Variants in SCUBE1 observed in about 807,000 individuals in gnomAD.
SCUBE1 encodes the protein signal peptide, CUB domain and EGF like domain containing 1.
In SCUBE1, 59 loss-of-function variants were observed where a neutral mutation model predicts 124.4. The observed-to-expected ratio is 0.47, with a 90% CI of 0.38 to 0.59. SCUBE1 has a LOEUF of 0.59. Ranked by LOEUF, SCUBE1 falls within the 20% of genes least tolerant of loss-of-function variation. The pLI is 0.00. For synonymous variants in SCUBE1, 545 were observed against 550.9 expected (o/e 0.99, Z 0.15); for missense variants, 1,150 against 1,371.2 (o/e 0.84, Z 2.55).
rs1414039481 is a variant in SCUBE1, at chr22:43,223,142, C to T, written c.1282G>A (p.Glu428Lys). The part of the protein sequence containing the change: ...QLSCSKAGGV[E>K]SCFLSCPAHT... ...GCCGGGCAGGAAAGGAAGCAGCTCT[C>T]CACACCGCCTGCCTTGCTGCAGGAC... Residue 428 changes from glutamate (E) to lysine (K), a missense_variant, in exon 11 of 22, where the codon GAG becomes AAG. Transcript: ENST00000360835. The T allele has an allele frequency of 6.4e-7, 1 of 1,559,256 alleles. No individual in the cohort carries two copies. The highest frequency in any genetic ancestry group is 8.6e-7 in the Non-Finnish European group (1 of 1,162,072).
intron 4 of SCUBE1, among the ~76,000 whole-genome samples, chr22:43,267,558 C>A (rs1302085841): frequency 6.6e-6 from 1 of 152,206 alleles, no homozygotes; most frequent in Non-Finnish European, 1.5e-5. Context: ...ACAGTCCCTT[C>A]CCCCTCACTT....
chr22:43,218,383 G>T lies in SCUBE1; in HGVS notation c.1763C>A (p.Ser588Tyr). Residue 588 changes from serine (S) to tyrosine (Y), a missense_variant, in exon 15 of 22, where the codon TCC becomes TAC. Ser to Tyr is a moderately radical substitution (Grantham distance 144). This residue lies in a region of SCUBE1 where 757 missense variants were observed against 840.9 expected (regional missense o/e 0.90). Coordinates refer to ENST00000360835, the MANE Select transcript of SCUBE1 (RefSeq NM_173050.5). ...GACATAGAACTGCTGCCGGCCGATGGACTTGCGCAGGGTCTTGATGGCGGC... is the reference window on the plus strand; with the variant it reads ...GACATAGAACTGCTGCCGGCCGATGTACTTGCGCAGGGTCTTGATGGCGGC... ...LQAAIKTLRK[S>Y]IGRQQFYVQV... The T allele has an allele frequency of 6.2e-7, 1 of 1,613,516 alleles. No homozygotes were observed. Among genetic ancestry groups the T allele is most frequent in the Non-Finnish European group, 8.5e-7 (1 of 1,180,046 alleles).
intron 6 of SCUBE1, 67 bp from the exon 7 acceptor site, chr22:43,239,021 G>T: frequency 7.8e-7 from 1 of 1,289,338 alleles, no homozygotes; most frequent in South Asian, 1.2e-5. Context: ...CCCCTTCCGT[G>T]GAAAGATCTT....
chr22:43,220,421 A>C, intron 14 of SCUBE1, 29 bp downstream of exon 14: 1 of 1,608,100 alleles, frequency 6.2e-7, no homozygotes, highest in South Asian at 1.1e-5. Context: ...TCAGGCCTGC[A>C]GAAGCCCCCA....
In SCUBE1 at chr22:43,255,151, C is replaced by G. The variant is rs1027965850; in HGVS notation, c.727+3068G>C. Reference sequence around the variant, plus strand: ...GCAAGTCGGGGAGCTTTACGACACACGTCTCCTTACACGCACAGGCCAGTG... The same window carrying G: ...GCAAGTCGGGGAGCTTTACGACACAGGTCTCCTTACACGCACAGGCCAGTG... On this transcript the variant is annotated intron_variant, in intron 6 of 21. Transcript: ENST00000360835. This position sits in a 1 kb window ranked among gnomAD's most constrained non-coding sequence, Gnocchi z 4.7. Among the ~76,000 whole-genome samples, 1 of 152,228 alleles carries G rather than the reference C, an allele frequency of 6.6e-6. No individual in the cohort carries two copies. Among genetic ancestry groups the G allele is most frequent in the Admixed American group, 6.5e-5 (1 of 15,284 alleles).
In SCUBE1 at chr22:43,207,611, CCT is replaced by C; in HGVS notation, c.2735_2736del (p.Glu912GlyfsTer171). 1.9e-6 allele frequency: 3 copies of C among 1,613,694 alleles called. No individual in the cohort carries two copies. The highest frequency in any genetic ancestry group is 2.5e-6 in the Non-Finnish European group (3 of 1,179,670). On this transcript the variant is annotated frameshift_variant and splice_region_variant, in exon 21 of 22. Transcript: ENST00000360835. LOFTEE classifies it high-confidence loss of function. The stretch of plus-strand genomic sequence containing the variant: ...ATGTCCTCTATGAGTTGCTGGTAGT[CCT>C]CTGGGCAGCGGGTCAGCAGGGGGAG... Reference protein sequence around the residue: ...GFQVPYVTYDEDYQQLIEDIV... With the variant: ...GFQVPYVTYDXDYQQLIEDIV...
At chr22:43,267,952 C>T (rs538556150) in intron 4 of SCUBE1, among the ~76,000 whole-genome samples, 4 of 152,328 alleles carry the variant, frequency 2.6e-5, no homozygotes, top group Middle Eastern at 3.4e-3. Context: ...GGGTTCCAAG[C>T]CCTTCTGCTC....
Position 43,339,227 on chromosome 22 carries a change from C to G in SCUBE1, c.97G>C (p.Asp33His). Residue 33 changes from aspartate (D) to histidine (H), a missense_variant, in exon 2 of 22, where the codon GAC becomes CAC. Coordinates refer to ENST00000360835, the MANE Select transcript of SCUBE1 (RefSeq NM_173050.5). ...GTGCCCTCTGAGCACTCATCCACGT[C>G]GACTGACCCTGTGGGTAGGGGTGTG... ...AGGSGLPGSV[D>H]VDECSEGTDD... 2 of 1,613,502 alleles carry G rather than the reference C, an allele frequency of 1.2e-6. No individual in the cohort carries two copies. Among genetic ancestry groups the G allele is most frequent in the Non-Finnish European group, 1.7e-6 (2 of 1,179,618 alleles).
chr22:43,319,558 CA>C (rs35230785), intron 3 of SCUBE1, among the ~76,000 whole-genome samples: 106 of 55,184 alleles, frequency 1.9e-3, no homozygotes, highest in Admixed American at 2.5e-3. Flanking sequence ...GACTCCATCT[CA>C]AAAAAAAAAA....
chr22:43,299,335 T>C lies in SCUBE1; in HGVS notation c.350-8155A>G, dbSNP rs574649621. Among the ~76,000 whole-genome samples, 5 of 151,964 alleles carry C rather than the reference T, an allele frequency of 3.3e-5. No individual in the cohort carries two copies. The South Asian group carries it at 1.0e-3, about 32-fold the overall frequency. On this transcript the variant is annotated intron_variant, in intron 3 of 21. Coordinates refer to ENST00000360835, the MANE Select transcript of SCUBE1 (RefSeq NM_173050.5). ...CGAACGTACTCCAGTGACAGCAAAG[T>C]CCCTTCCAAAATGCAAAAGCAACAA...
At position 43,255,672 on chromosome 22, in the gene SCUBE1, C is replaced by A. The variant is rs1038908708; in HGVS notation, c.727+2547G>T. The A allele has an allele frequency of 1.3e-4, 138 of 1,067,690 alleles. 1 individual carries two copies. Among genetic ancestry groups the A allele is most frequent in the Middle Eastern group, 4.0e-4 (2 of 5,018 alleles). The allele number at this position is 1,067,690 out of a possible 1,614,324, so 66.1% of individuals were successfully genotyped here. ...AGTCAGCCTCTCGGCGTGGCGCACG[C>A]AAAGCCAACACAACACGCCGGCCAG... On this transcript the variant is annotated intron_variant, in intron 6 of 21. Coordinates refer to ENST00000360835, the MANE Select transcript of SCUBE1 (RefSeq NM_173050.5). This position sits in a 1 kb window ranked among gnomAD's most constrained non-coding sequence, Gnocchi z 4.7.
intron 2 of SCUBE1, among the ~76,000 whole-genome samples, chr22:43,338,812 A>C (rs768171574): frequency 4.6e-5 from 7 of 152,232 alleles, no homozygotes; most frequent in Non-Finnish European, 1.0e-4. Flanking sequence ...TGCTGGGATT[A>C]CAGACGTGAG....
At chr22:43,335,269 T>C (rs1927026530) in intron 2 of SCUBE1, among the ~76,000 whole-genome samples, 2 of 152,212 alleles carry the variant, frequency 1.3e-5, no homozygotes, top group Non-Finnish European at 2.9e-5. Flanking sequence ...AGGGATCTGA[T>C]GGTTCTCCGT....
At chr22:43,235,304 C>T (rs761534684) in intron 7 of SCUBE1, among the ~76,000 whole-genome samples, 3 of 151,892 alleles carry the variant, frequency 2.0e-5, no homozygotes, top group Admixed American at 6.5e-5. Context: ...GCTATAGGGA[C>T]GCACAGGACA....
intron 6 of SCUBE1, among the ~76,000 whole-genome samples, chr22:43,241,279 A>C (rs6003122): frequency 0.59 from 89,581 of 151,850 alleles, 27,769 homozygotes; most frequent in African/African-American, 0.75. Context: ...GTGCTGACCA[A>C]CCCGCTCCAC....
At chr22:43,340,554 G>T (rs1030521139) in intron 1 of SCUBE1, among the ~76,000 whole-genome samples, 3 of 150,462 alleles carry the variant, frequency 2.0e-5, no homozygotes, top group Non-Finnish European at 4.4e-5. Context: ...GGGAGGGGAC[G>T]TGCCTCTTGT....
At position 43,211,053 on chromosome 22, in the gene SCUBE1, G is replaced by C. The variant is rs1272561928; in HGVS notation, c.2252C>G (p.Thr751Ser). Residue 751 changes from threonine to serine, a missense_variant, in exon 18 of 22, where the codon ACC becomes AGC. By Grantham distance (58) the Thr-to-Ser change is moderately conservative. Transcript: ENST00000360835. This position sits in a 1 kb window ranked among gnomAD's most constrained non-coding sequence, Gnocchi z 4.5. ...VHCSPGHHYNTTTHRCIRCPV... is the reference protein window; with the variant it reads ...VHCSPGHHYNSTTHRCIRCPV... ...GCAGCGGATGCAGCGGTGGGTGGTG[G>C]TGTTGTAGTGGTGGCCGGGGGAGCA... 1.2e-6 allele frequency: 2 copies of C among 1,613,582 alleles called. No individual in the cohort carries two copies. Among genetic ancestry groups the C allele is most frequent in the African/African-American group, 1.3e-5 (1 of 75,038 alleles).
chr22:43,228,800 TG>T (rs1922430912), intron 9 of SCUBE1, among the ~76,000 whole-genome samples: 1 of 152,226 alleles, frequency 6.6e-6, no homozygotes, highest in African/African-American at 2.4e-5. Flanking sequence ...CTCTAGTAAA[TG>T]GGGTTTCCAG....
intron 4 of SCUBE1, among the ~76,000 whole-genome samples, chr22:43,267,986 TG>T (rs1726263641): frequency 6.6e-6 from 1 of 152,164 alleles, no homozygotes; most frequent in Non-Finnish European, 1.5e-5. Flanking sequence ...GGGCTCCAGA[TG>T]GGAAAGGACT....
Sources: gnomAD v4.1 joint callset for allele counts (sites outside exome capture counted in the v4.1 genomes callset) on GRCh38, gnomAD v4.1.1 for gene constraint, gnomAD v4.1.1 regional missense constraint, Gnocchi (gnomAD v3.1) non-coding constraint, MANE v1.5 for transcripts, NCBI Gene and HGNC (gene_info 2026-07-23, HGNC 2026-07-21) for gene names.